CROCC: variants seen among roughly 807,000 people sequenced by gnomAD.
The protein encoded by CROCC is ciliary rootlet coiled-coil, rootletin.
Under a neutral mutation model 245.2 loss-of-function variants are expected in CROCC, and 180 were observed. The ratio of observed to expected loss-of-function variants is 0.73; its 90% CI spans 0.65 to 0.83. The LOEUF (loss-of-function observed/expected upper bound fraction) is 0.83, where lower values mean the gene tolerates loss of function less well. Among genes scored for constraint, CROCC ranks in the 40% least tolerant of loss-of-function variants. CROCC has a pLI of 0.00. For synonymous variants in CROCC, 1,205 were observed against 1,241.6 expected (o/e 0.97, Z 0.62); for missense variants, 2,688 against 2,779.4 (o/e 0.97, Z 0.74).
At chr1:16,944,385 C>G in intron 14 of CROCC, 103 bp downstream of exon 14, 1 of 1,293,576 alleles carries the variant, frequency 7.7e-7, no homozygotes, top group Non-Finnish European at 1.0e-6. Flanking sequence ...TCCTGGGCCT[C>G]CTACCGTCTG....
chr1:16,936,610 A>C lies in CROCC; in HGVS notation c.957-27A>C, dbSNP rs776710131. The C allele has an allele frequency of 1.9e-6, 3 of 1,544,964 alleles. No homozygotes were observed. In the South Asian group the frequency reaches 3.7e-5, roughly 19 times the overall value. ...TTGTAGTTGGGAGCAAGCCCCATCCATCCCCAGCCTGTGCTCTCTCCCGAA... is the reference window on the plus strand; with the variant it reads ...TTGTAGTTGGGAGCAAGCCCCATCCCTCCCCAGCCTGTGCTCTCTCCCGAA... On this transcript the variant is annotated intron_variant, in intron 8 of 36. Coordinates refer to ENST00000375541, the MANE Select transcript of CROCC (RefSeq NM_014675.5).
chr1:16,938,759 G>A (rs1352480659), intron 11 of CROCC, 150 bp from the exon 12 acceptor site: 2 of 841,478 alleles, frequency 2.4e-6, no homozygotes, highest in Non-Finnish European at 3.8e-6. Context: ...CGAGGACTGA[G>A]CTAGTGGAGG....
rs1258870516 is a variant in CROCC at position 16,948,508 on chromosome 1, G to A, written c.2692G>A (p.Glu898Lys). Residue 898 changes from glutamate to lysine, a missense_variant, in exon 18 of 37, where the codon GAG becomes AAG. By Grantham distance (56) the Glu-to-Lys change is moderately conservative. Around this residue, in one of 9 missense-constraint regions of CROCC, gnomAD observed 26 missense variants for 40.3 expected, o/e 0.64. Coordinates refer to ENST00000375541, the MANE Select transcript of CROCC (RefSeq NM_014675.5). ...AEREGRTLSE[E>K]ATRLRLEKEA... ...GCGTGAAGGCAGGACCCTGTCAGAG[G>A]AGGCCACACGCCTGCGGTAAGGCCT... 5 of 1,544,776 alleles carry A rather than the reference G, an allele frequency of 3.2e-6. No homozygotes were observed. The highest frequency in any genetic ancestry group is 1.4e-5 in the African/African-American group (1 of 73,260).
chr1:16,919,358 G>C (rs1162060817), upstream of CROCC, among the ~76,000 whole-genome samples: 13 of 152,368 alleles, frequency 8.5e-5, no homozygotes, highest in Admixed American at 7.8e-4. Flanking sequence ...AGAGCCCAAT[G>C]TCTCTGAGCC....
Position 16,965,981 on chromosome 1 carries a change from C to T in CROCC, c.4576-18C>T. ...CAGAGCAGGGGTCTGTCTTTGTTCC[C>T]CCATGTCGGGGCTACAGGACGAACT... On this transcript the variant is annotated intron_variant, in intron 28 of 36. Coordinates refer to ENST00000375541, the MANE Select transcript of CROCC (RefSeq NM_014675.5). 1 of 1,609,844 alleles carries T rather than the reference C, an allele frequency of 6.2e-7. No individual in the cohort carries two copies. Among genetic ancestry groups the T allele is most frequent in the South Asian group, 1.1e-5 (1 of 90,780 alleles).
rs772349519 is a variant in CROCC, at chr1:16,939,887, A to G, written c.1609-7A>G. 1.9e-4 allele frequency: 305 copies of G among 1,611,402 alleles called. 3 individuals carry two copies. The Admixed American group carries it at 5.0e-3, about 26-fold the overall frequency. On this transcript the variant is annotated splice_polypyrimidine_tract_variant and splice_region_variant and intron_variant, in intron 12 of 36. Coordinates refer to ENST00000375541, the MANE Select transcript of CROCC (RefSeq NM_014675.5). Reference sequence around the variant, plus strand: ...CCCCCCAGACTCTGTGACCCCCCACACCCCAGGACATGCGTGGGCGCTATG... The same window carrying G: ...CCCCCCAGACTCTGTGACCCCCCACGCCCCAGGACATGCGTGGGCGCTATG...
intron 8 of CROCC, among the ~76,000 whole-genome samples, chr1:16,935,694 G>T (rs1428889064): frequency 1.3e-5 from 2 of 152,280 alleles, no homozygotes; most frequent in Middle Eastern, 3.2e-3. Context: ...AAAGTGCTGG[G>T]ATTACAGGCG....
chr1:16,922,213 C>T (rs1482837620), intron 1 of CROCC, 135 bp downstream of exon 1: 1 of 913,384 alleles, frequency 1.1e-6, no homozygotes, highest in African/African-American at 1.7e-5. Flanking sequence ...CAGGGGCCCC[C>T]CGCTTGCAGT....
intron 35 of CROCC, 66 bp from the exon 36 acceptor site, chr1:16,971,399 A>G: frequency 6.9e-7 from 1 of 1,453,354 alleles, no homozygotes; most frequent in Non-Finnish European, 9.1e-7. Context: ...GTACCTGACA[A>G]CCCGTCACAC....
chr1:16,924,591 G>A, intron 3 of CROCC, 112 bp downstream of exon 3: 1 of 1,423,036 alleles, frequency 7.0e-7, no homozygotes, highest in Non-Finnish European at 9.5e-7. Flanking sequence ...GAGTCAGGTT[G>A]GCCTGGGCTT....
intron 15 of CROCC, 144 bp from the exon 16 acceptor site, chr1:16,946,115 T>C: frequency 1.0e-6 from 1 of 958,010 alleles, no homozygotes; most frequent in South Asian, 1.8e-5. Flanking sequence ...GCGGTGATTT[T>C]TTTTTTTCCA....
rs776443150 is a variant in CROCC at position 16,930,429 on chromosome 1, G to C, written c.684G>C (p.Arg228Ser). The change falls in exon 7 of 37, where the codon AGG becomes AGC. Residue 228 changes from arginine to serine, a missense_variant and splice_region_variant. By Grantham distance (110) the Arg-to-Ser change is moderately radical. Coordinates refer to ENST00000375541, the MANE Select transcript of CROCC (RefSeq NM_014675.5). ...ALIRLEEEQQ[R>S]SASLAQVNAM... ...TACTGATCCCCTGTGCCCCATTCAG[G>C]AGTGCCAGCCTGGCCCAGGTGAATG... 3 of 1,611,562 alleles carry C rather than the reference G, an allele frequency of 1.9e-6. No homozygotes were observed. The highest frequency in any genetic ancestry group is 2.5e-6 in the Non-Finnish European group (3 of 1,179,746).
chr1:16,928,283 C>T (rs1371774405), intron 3 of CROCC, among the ~76,000 whole-genome samples: 2 of 152,268 alleles, frequency 1.3e-5, no homozygotes, highest in African/African-American at 4.8e-5. Flanking sequence ...TCCCACTGCC[C>T]TGCTCCTCCC....
intron 30 of CROCC, among the ~76,000 whole-genome samples, chr1:16,967,141 T>G (rs2076431708): frequency 6.6e-6 from 1 of 152,154 alleles, no homozygotes; most frequent in Non-Finnish European, 1.5e-5. Context: ...TTTCCTAATC[T>G]GTAAAAGGAG....
intron 3 of CROCC, among the ~76,000 whole-genome samples, chr1:16,929,131 G>T (rs59402390): frequency 0.064 from 9,621 of 150,168 alleles, no homozygotes; most frequent in African/African-American, 0.068. Context: ...CCAGCCAGAA[G>T]GGGGCATTAA....
chr1:16,941,731 CAAA>C (rs35924979), intron 13 of CROCC, among the ~76,000 whole-genome samples: 8 of 132,390 alleles, frequency 6.0e-5, no homozygotes, highest in Admixed American at 7.6e-5. Flanking sequence ...GACTCCGTCT[CAAA>C]AAAAAAAAAA....
chr1:16,946,127 C>G (rs2076039555), intron 15 of CROCC, 132 bp from the exon 16 acceptor site: 2 of 1,048,158 alleles, frequency 1.9e-6, no homozygotes, highest in South Asian at 3.5e-5. Context: ...TTTTTTCCAT[C>G]TCACACTGTG....
chr1:16,931,299 C>A lies in CROCC; in HGVS notation c.858C>A (p.Asn286Lys). The change falls in exon 8 of 37, where the codon AAC (asparagine) becomes AAA (lysine). Residue 286 changes from asparagine (N) to lysine (K), a missense_variant. Physicochemically the swap from Asn to Lys is moderately conservative, Grantham distance 94. Transcript: ENST00000375541. ...AAWRREEESF[N>K]AYFSNEHSRL... is the part of the protein sequence containing the mutation. ...GCATGTCTTCCCTCCAGTCCTTCAA[C>A]GCCTACTTCAGCAACGAGCACAGTC... is the stretch of plus-strand genomic sequence containing the variant. The A allele has an allele frequency of 6.2e-7, 1 of 1,610,902 alleles. No homozygotes were observed. Among genetic ancestry groups the A allele is most frequent in the Non-Finnish European group, 8.5e-7 (1 of 1,177,824 alleles).
intron 18 of CROCC, 24 bp from the exon 19 acceptor site, chr1:16,948,775 C>T (rs753032683): frequency 1.9e-6 from 3 of 1,610,898 alleles, no homozygotes; most frequent in African/African-American, 1.3e-5. Context: ...AGTCCCAGGG[C>T]CTCAGGGACT....
Sources: gnomAD v4.1 joint callset for allele counts (sites outside exome capture counted in the v4.1 genomes callset) on GRCh38, gnomAD v4.1.1 for gene constraint, gnomAD v4.1.1 regional missense constraint, MANE v1.5 for transcripts, NCBI Gene and HGNC (gene_info 2026-07-23, HGNC 2026-07-21) for gene names.